Variants in VPS53 observed in about 807,000 individuals in gnomAD.
The protein encoded by VPS53 is vacuolar protein sorting-associated protein 53 homolog.
In VPS53, 70 loss-of-function variants were observed where a neutral mutation model predicts 107.0. The ratio of observed to expected loss-of-function variants is 0.65; its 90% CI spans 0.54 to 0.80. The LOEUF (loss-of-function observed/expected upper bound fraction) is 0.80. Ranked by LOEUF, VPS53 falls within the 30% of genes least tolerant of loss-of-function variation. The pLI, the probability that VPS53 is intolerant of heterozygous loss-of-function variation, is 0.00. For synonymous variants in VPS53, 409 were observed against 393.3 expected (o/e 1.04, Z -0.47); for missense variants, 917 against 1,049.4 (o/e 0.87, Z 1.74).
chr17:661,998 C>T (rs1238079603), intron 4 of VPS53, 103 bp from the exon 5 acceptor site: 1 of 1,040,854 alleles, frequency 9.6e-7, no homozygotes, highest in Non-Finnish European at 1.4e-6. Flanking sequence ...ATGAAGCTCT[C>T]CTGATTCATT....
chr17:555,485 C>T (rs1034376637), intron 15 of VPS53, among the ~76,000 whole-genome samples: 8 of 152,270 alleles, frequency 5.3e-5, no homozygotes, highest in African/African-American at 1.9e-4. Flanking sequence ...ACGTGAGCCA[C>T]CACGCCCGGC....
At chr17:644,878 C>T (rs1970620798) in intron 7 of VPS53, among the ~76,000 whole-genome samples, 1 of 152,194 alleles carries the variant, frequency 6.6e-6, no homozygotes, top group South Asian at 2.1e-4. Flanking sequence ...GCCACCATGC[C>T]CAGCCTTTTT....
intron 2 of VPS53, among the ~76,000 whole-genome samples, chr17:706,443 G>A (rs1434007588): frequency 2.0e-5 from 3 of 151,526 alleles, no homozygotes; most frequent in Admixed American, 6.6e-5. Context: ...AGGCTGAGGC[G>A]GGAGAATCGC....
chr17:601,544 C>A (rs934002685), intron 12 of VPS53, among the ~76,000 whole-genome samples: 1 of 152,222 alleles, frequency 6.6e-6, no homozygotes, highest in Non-Finnish European at 1.5e-5. Flanking sequence ...CCTGGCCCCA[C>A]CACAGTGGCT....
intron 11 of VPS53, among the ~76,000 whole-genome samples, chr17:610,770 A>C (rs1480526748): frequency 6.7e-6 from 1 of 149,782 alleles, no homozygotes; most frequent in South Asian, 2.1e-4. Context: ...AAAAAAAAAA[A>C]ATACAAAAAA....
chr17:606,470 T>C (rs1299748836), intron 11 of VPS53, among the ~76,000 whole-genome samples: 2 of 151,798 alleles, frequency 1.3e-5, no homozygotes, highest in African/African-American at 2.4e-5. Context: ...GCTACACAGT[T>C]ACGTGCTGCC....
intron 11 of VPS53, among the ~76,000 whole-genome samples, chr17:605,498 C>T (rs1276726123): frequency 2.2e-5 from 3 of 137,538 alleles, no homozygotes; most frequent in African/African-American, 8.6e-5. Context: ...GGCGGGAGTC[C>T]CATCATATTG....
chr17:708,191 G>C (rs1232771495), intron 2 of VPS53, among the ~76,000 whole-genome samples: 1 of 152,200 alleles, frequency 6.6e-6, no homozygotes, highest in Non-Finnish European at 1.5e-5. Context: ...AATGCACAGA[G>C]TCCAATAGTG....
rs146993671 is a variant in VPS53 at position 579,268 on chromosome 17, A to G, written c.1313+7002T>C. 3.6e-3 allele frequency among the ~76,000 whole-genome samples: 355 copies of G among 98,456 alleles called. 27 individuals carry two copies. Among genetic ancestry groups the G allele is most frequent in the South Asian group, 8.4e-3 (20 of 2,392 alleles). 64.6% of individuals were successfully genotyped at this position (98,456 alleles called of 152,430 possible). On this transcript the variant is annotated intron_variant, in intron 13 of 21. Coordinates refer to ENST00000437048, the MANE Select transcript of VPS53 (RefSeq NM_001128159.3). ...GAGAACCTCCCTCAGAACCTAATGT[A>G]TTCCTAGAGAACTTCCCTCAGAACC...
At chr17:588,993 A>G (rs1967486551) in intron 12 of VPS53, among the ~76,000 whole-genome samples, 1 of 152,290 alleles carries the variant, frequency 6.6e-6, no homozygotes, top group South Asian at 2.1e-4. Context: ...ATAGGACTAG[A>G]TATCATGGAT....
At chr17:532,605 T>C in intron 19 of VPS53, 1 of 1,053,132 alleles carries the variant, frequency 9.5e-7, no homozygotes, top group Non-Finnish European at 1.2e-6. Context: ...GCAGGGACCT[T>C]TCCATGGTGC....
intron 11 of VPS53, among the ~76,000 whole-genome samples, chr17:623,057 C>T (rs888276935): frequency 2.6e-5 from 4 of 152,068 alleles, no homozygotes; most frequent in African/African-American, 9.7e-5. Flanking sequence ...AACGTTTAAC[C>T]GGCAGTACTA....
intron 17 of VPS53, among the ~76,000 whole-genome samples, chr17:543,813 AAGGGAGGGAGGGAGGG>A (rs1172563287): frequency 1.3e-3 from 53 of 42,366 alleles, no homozygotes; most frequent in South Asian, 1.3e-3. Context: ...GGAAGGAAGG[AAGGGAGGGAGGGAGGG>A]AGGGAGGGAG....
At chr17:589,606 T>G (rs1468364392) in intron 12 of VPS53, among the ~76,000 whole-genome samples, 1 of 152,160 alleles carries the variant, frequency 6.6e-6, no homozygotes, top group Non-Finnish European at 1.5e-5. Flanking sequence ...AGTTTGACAT[T>G]ATTTTAAAAA....
intron 4 of VPS53, among the ~76,000 whole-genome samples, chr17:665,912 G>A (rs1035125208): frequency 1.3e-5 from 2 of 152,170 alleles, no homozygotes; most frequent in Non-Finnish European, 2.9e-5. Flanking sequence ...GCTGAGGCAG[G>A]AGAATCACTT....
intron 13 of VPS53, among the ~76,000 whole-genome samples, chr17:584,821 T>C (rs559127331): frequency 1.3e-5 from 2 of 152,306 alleles, no homozygotes. Flanking sequence ...CCACTGTACC[T>C]GGCCACGTGA....
At chr17:704,179 A>G (rs1973316464) in intron 2 of VPS53, among the ~76,000 whole-genome samples, 1 of 152,166 alleles carries the variant, frequency 6.6e-6, no homozygotes, top group African/African-American at 2.4e-5. Flanking sequence ...TTAGGAGGCT[A>G]AAACGATTTT....
chr17:685,125 C>T (rs963695308), intron 4 of VPS53: 1 of 152,104 alleles, frequency 6.6e-6, no homozygotes, highest in African/African-American at 2.4e-5. Context: ...CAGATGTACT[C>T]AACACAAACA....
Position 571,523 on chromosome 17 carries a change from T to TCTCCCTACGGTCTCCCTTTCCCC in VPS53, c.1314-8779_1314-8778insGGGGAAAGGGAGACCGTAGGGAG, listed in dbSNP as rs1567636732. 4.3e-5 allele frequency among the ~76,000 whole-genome samples: 4 copies of TCTCCCTACGGTCTCCCTTTCCCC among 92,148 alleles called. No individual in the cohort carries two copies. The East Asian group carries it at 1.1e-3, about 25-fold the overall frequency. The allele number at this position is 92,148 out of a possible 152,430, so 60.5% of individuals were successfully genotyped here. ...CCTCTCCCTACAGTCTCCCTCTCCCTCTCCCTACGGTCTCCCTCTCCCCAC... is the reference window on the plus strand; with the variant it reads ...CCTCTCCCTACAGTCTCCCTCTCCCTCTCCCTACGGTCTCCCTTTCCCCCTCCCTACGGTCTCCCTCTCCCCAC... On this transcript the variant is annotated intron_variant, in intron 13 of 21. Coordinates refer to ENST00000437048, the MANE Select transcript of VPS53 (RefSeq NM_001128159.3).
Sources: gnomAD v4.1 joint callset for allele counts (sites outside exome capture counted in the v4.1 genomes callset) on GRCh38, gnomAD v4.1.1 for gene constraint, MANE v1.5 for transcripts, NCBI Gene and HGNC (gene_info 2026-07-23, HGNC 2026-07-21) for gene names.